The following ATAD1 variants were observed in gnomAD, a reference collection of about 807,000 sequenced individuals.
The protein encoded by ATAD1 is ATPase family AAA domain containing 1.
ATAD1 carries 18 observed loss-of-function variants against 42.7 expected under a neutral mutation model. The observed-to-expected ratio is 0.42, with a 90% CI of 0.29 to 0.63. The LOEUF (loss-of-function observed/expected upper bound fraction) is 0.63, where lower values mean the gene tolerates loss of function less well. Ranked by LOEUF, ATAD1 falls within the 20% of genes least tolerant of loss-of-function variation. The pLI, the probability that ATAD1 is intolerant of heterozygous loss-of-function variation, is 0.19. For synonymous variants in ATAD1, 132 were observed against 143.1 expected, an observed-to-expected ratio of 0.92 and a Z score of 0.55; for missense variants, 294 against 440.4, an observed-to-expected ratio of 0.67 and a Z score of 2.98.
At chr10:87,813,405 T>C (rs1857272748) in intron 2 of ATAD1, among the ~76,000 whole-genome samples, 1 of 151,732 alleles carries the variant, frequency 6.6e-6, no homozygotes, top group Non-Finnish European at 1.5e-5. Context: ...GACTTACAAA[T>C]AGGCTGATAA....
chr10:87,823,996 ACT>A (rs1328469512), intron 1 of ATAD1, among the ~76,000 whole-genome samples: 1 of 152,062 alleles, frequency 6.6e-6, no homozygotes, highest in Non-Finnish European at 1.5e-5. Flanking sequence ...AGTACACTAA[ACT>A]CTGTGTCCAT....
intron 1 of ATAD1, among the ~76,000 whole-genome samples, chr10:87,836,276 T>G (rs1321420509): frequency 6.6e-6 from 1 of 152,114 alleles, no homozygotes; most frequent in African/African-American, 2.4e-5. Flanking sequence ...CCACCATGCC[T>G]GGCTCCTCCT....
intron 1 of ATAD1, among the ~76,000 whole-genome samples, chr10:87,833,668 T>A (rs1321563346): frequency 2.0e-5 from 3 of 151,676 alleles, no homozygotes; most frequent in East Asian, 3.9e-4. Flanking sequence ...TTTTTTTTTT[T>A]AATCTGAATG....
At chr10:87,778,923 G>C (rs1324959503) in intron 5 of ATAD1, among the ~76,000 whole-genome samples, 1 of 152,088 alleles carries the variant, frequency 6.6e-6, no homozygotes, top group Non-Finnish European at 1.5e-5. Flanking sequence ...AAACTTCTAG[G>C]AAATAATATA....
At chr10:87,792,411 A>C (rs1856167636) in intron 3 of ATAD1, among the ~76,000 whole-genome samples, 1 of 151,998 alleles carries the variant, frequency 6.6e-6, no homozygotes, top group Non-Finnish European at 1.5e-5. Flanking sequence ...GCACTGTGTG[A>C]CTCCACTTGG....
chr10:87,789,575 A>G (rs887723609), intron 4 of ATAD1, among the ~76,000 whole-genome samples: 1 of 152,074 alleles, frequency 6.6e-6, no homozygotes, highest in Non-Finnish European at 1.5e-5. Flanking sequence ...ATAAAAAAAG[A>G]GCCAGGCGTG....
At chr10:87,836,805 T>A (rs1437720137) in intron 1 of ATAD1, among the ~76,000 whole-genome samples, 1 of 152,182 alleles carries the variant, frequency 6.6e-6, no homozygotes, top group African/African-American at 2.4e-5. Context: ...ATCTCCGATA[T>A]CATAAATGTT....
chr10:87,832,182 T>C (rs2132111616), intron 1 of ATAD1: 1 of 150,936 alleles, frequency 6.6e-6, no homozygotes, highest in South Asian at 2.1e-4. Context: ...ATCCTCCTGC[T>C]TCAGCACCCC....
intron 2 of ATAD1, among the ~76,000 whole-genome samples, chr10:87,799,405 A>T (rs1284178521): frequency 2.6e-5 from 4 of 152,224 alleles, no homozygotes; most frequent in African/African-American, 9.6e-5. Context: ...TTGTGGCTTT[A>T]GGCAGTCTAG....
chr10:87,804,363 T>C (rs533165876), intron 2 of ATAD1, among the ~76,000 whole-genome samples: 3 of 152,192 alleles, frequency 2.0e-5, no homozygotes, highest in African/African-American at 7.2e-5. Context: ...TCAAGAAAAT[T>C]ATATAGTCTA....
chr10:87,836,287 T>C (rs895059670), intron 1 of ATAD1, among the ~76,000 whole-genome samples: 1 of 152,116 alleles, frequency 6.6e-6, no homozygotes, highest in Non-Finnish European at 1.5e-5. Flanking sequence ...GGCTCCTCCT[T>C]TATTCTTGAT....
At chr10:87,805,953 T>G (rs1351975373) in intron 2 of ATAD1, among the ~76,000 whole-genome samples, 1 of 152,110 alleles carries the variant, frequency 6.6e-6, no homozygotes, top group Non-Finnish European at 1.5e-5. Flanking sequence ...TATAACACGT[T>G]TAAAATCAAT....
intron 2 of ATAD1, among the ~76,000 whole-genome samples, chr10:87,811,597 A>C (rs969257823): frequency 1.3e-5 from 2 of 152,208 alleles, no homozygotes; most frequent in African/African-American, 4.8e-5. Flanking sequence ...AGTGACAATT[A>C]CATTAGAATT....
chr10:87,837,232 ATATAT>A (rs1303925989), intron 1 of ATAD1, among the ~76,000 whole-genome samples: 3 of 152,168 alleles, frequency 2.0e-5, no homozygotes, highest in Admixed American at 2.0e-4. Flanking sequence ...CAGACATTTA[ATATAT>A]TATAAGACTC....
At chr10:87,800,395 A>G (rs760323926) in intron 2 of ATAD1, among the ~76,000 whole-genome samples, 3 of 152,046 alleles carry the variant, frequency 2.0e-5, no homozygotes, top group Non-Finnish European at 4.4e-5. Flanking sequence ...AGCTCATATT[A>G]AGTTTTTTTC....
At chr10:87,833,374 T>C (rs1857869243) in intron 1 of ATAD1, among the ~76,000 whole-genome samples, 1 of 152,212 alleles carries the variant, frequency 6.6e-6, no homozygotes, top group Non-Finnish European at 1.5e-5. Context: ...TTTTTTTAAA[T>C]CACTTATTTG....
At chr10:87,837,072 G>T (rs555273219) in intron 1 of ATAD1, among the ~76,000 whole-genome samples, 4 of 151,522 alleles carry the variant, frequency 2.6e-5, no homozygotes, top group African/African-American at 9.7e-5. Context: ...TTAATCTTAC[G>T]TTCTGGTACA....
chr10:87,837,889 T>C (rs986559375), intron 1 of ATAD1, among the ~76,000 whole-genome samples: 19 of 152,260 alleles, frequency 1.2e-4, no homozygotes, highest in Non-Finnish European at 1.5e-4. Flanking sequence ...GCAGGATTTC[T>C]AGGTGCCTGG....
intron 5 of ATAD1, among the ~76,000 whole-genome samples, chr10:87,781,989 T>G (rs1855585860): frequency 6.6e-6 from 1 of 151,544 alleles, no homozygotes; most frequent in African/African-American, 2.4e-5. Flanking sequence ...AACATGCAAA[T>G]ATATACAATG....
Sources: gnomAD v4.1 joint callset for allele counts (sites outside exome capture counted in the v4.1 genomes callset) on GRCh38, gnomAD v4.1.1 for gene constraint, MANE v1.5 for transcripts, NCBI Gene and HGNC (gene_info 2026-07-23, HGNC 2026-07-21) for gene names.